PRKN: variants seen among roughly 807,000 people sequenced by gnomAD.
The protein encoded by PRKN is E3 ubiquitin-protein ligase parkin.
A neutral mutation model predicts 59.5 loss-of-function variants in PRKN; 56 were observed. That is an observed-to-expected ratio of 0.94 (90% CI 0.76 to 1.18). The LOEUF is 1.18. PRKN is among the 50% of genes most tolerant of loss of function. PRKN has a pLI of 0.00. For synonymous variants in PRKN, 250 were observed against 222.1 expected (o/e 1.13, Z -1.12); for missense variants, 657 against 596.4 (o/e 1.10, Z -1.06).
chr6:161,587,963 C>T (rs1781579126), intron 7 of PRKN, among the ~76,000 whole-genome samples: 2 of 152,118 alleles, frequency 1.3e-5, no homozygotes, highest in South Asian at 4.1e-4. Context: ...GCATATATTG[C>T]TGTCTGAACT....
rs762056995 is a variant in PRKN at position 161,785,690 on chromosome 6, T to C, written c.871+82A>G. On this transcript the variant is annotated intron_variant, in intron 7 of 11. Coordinates refer to ENST00000366898, the MANE Select transcript of PRKN (RefSeq NM_004562.3). ...AAATTCTTCTGCTAGGGTTTACGTA[T>C]ATCTAAGCCAGTTTTACATCAATAA... The C allele has an allele frequency of 4.5e-6, 6 of 1,340,142 alleles. No homozygotes were observed. The East Asian group carries it at 1.2e-4, about 26-fold the overall frequency. 83.0% of individuals were successfully genotyped at this position (1,340,142 alleles called of 1,614,324 possible).
chr6:162,588,696 C>T lies in PRKN; in HGVS notation c.7+138966G>A, dbSNP rs1357276182. Among the ~76,000 whole-genome samples the T allele has an allele frequency of 1.2e-4, 19 of 152,208 alleles. No individual in the cohort carries two copies. In the East Asian group the frequency reaches 3.7e-3, roughly 30 times the overall value. Reference sequence around the variant, plus strand: ...CCTCCCGAGTAGCTGGGACTACAGGCGCCCGCCACCACGCCCGGGTAATTT... The same window carrying T: ...CCTCCCGAGTAGCTGGGACTACAGGTGCCCGCCACCACGCCCGGGTAATTT... On this transcript the variant is annotated intron_variant, in intron 1 of 11. Transcript: ENST00000366898.
At chr6:162,177,507 C>A (rs948891641) in intron 4 of PRKN, among the ~76,000 whole-genome samples, 4 of 152,090 alleles carry the variant, frequency 2.6e-5, no homozygotes, top group Non-Finnish European at 4.4e-5. Flanking sequence ...CTAAAAGGCA[C>A]TGGTATAACT....
chr6:161,572,457 T>C (rs1429174446), intron 7 of PRKN, among the ~76,000 whole-genome samples: 1 of 151,902 alleles, frequency 6.6e-6, no homozygotes, highest in Non-Finnish European at 1.5e-5. Context: ...GTCAGGAGTT[T>C]GAGACCAGCC....
At chr6:162,715,279 C>T (rs1778680545) in intron 1 of PRKN, among the ~76,000 whole-genome samples, 1 of 152,180 alleles carries the variant, frequency 6.6e-6, no homozygotes, top group Admixed American at 6.5e-5. Flanking sequence ...AAGGTCTTCT[C>T]TCCTTTGAAT....
intron 6 of PRKN, among the ~76,000 whole-genome samples, chr6:161,867,737 T>TTTTA (rs1554236141): frequency 2.7e-5 from 2 of 72,762 alleles, no homozygotes; most frequent in Non-Finnish European, 5.8e-5. Flanking sequence ...GGGAAAAATC[T>TTTTA]TTCATTTATT....
intron 6 of PRKN, among the ~76,000 whole-genome samples, chr6:161,928,609 T>C (rs765997921): frequency 6.6e-6 from 1 of 152,142 alleles, no homozygotes; most frequent in Non-Finnish European, 1.5e-5. Flanking sequence ...TCAGAATATA[T>C]AACATATAAC....
intron 6 of PRKN, among the ~76,000 whole-genome samples, chr6:161,786,381 A>C (rs1562683749): frequency 6.6e-6 from 1 of 152,100 alleles, no homozygotes; most frequent in Non-Finnish European, 1.5e-5. Flanking sequence ...GTAAAGTTTT[A>C]AATGAATGTT....
intron 6 of PRKN, among the ~76,000 whole-genome samples, chr6:161,928,104 T>C (rs1399921831): frequency 6.6e-6 from 1 of 152,192 alleles, no homozygotes; most frequent in African/African-American, 2.4e-5. Flanking sequence ...AAAGTTGCCT[T>C]CTGCTATGTA....
At position 162,443,343 on chromosome 6, in the gene PRKN, T is replaced by A. The variant is rs1562768672; in HGVS notation, c.138A>T (p.Ala46=). The change falls in exon 2 of 12, where the codon GCA becomes GCT. Residue 46 remains alanine, a synonymous_variant. Transcript: ENST00000366898. ...VPADQLRVIF[A]GKELRNDWTV... The stretch of plus-strand genomic sequence containing the variant: ...TCCAGTCATTCCTCAGCTCCTTCCC[T>A]GCGAAAATCACACGCAACTGGTCAG... 1 of 1,612,974 alleles carries A rather than the reference T, an allele frequency of 6.2e-7. No individual in the cohort carries two copies. Among genetic ancestry groups the A allele is most frequent in the Middle Eastern group, 2.0e-4 (1 of 5,102 alleles).
In PRKN at chr6:161,407,059, A is replaced by G. The variant is rs1787309536; in HGVS notation, c.1084-20182T>C. Among the ~76,000 whole-genome samples, 1 of 152,234 alleles carries G rather than the reference A, an allele frequency of 6.6e-6. No homozygotes were observed. The highest frequency in any genetic ancestry group is 1.9e-4 in the East Asian group (1 of 5,202). On this transcript the variant is annotated intron_variant, in intron 9 of 11. Coordinates refer to ENST00000366898, the MANE Select transcript of PRKN (RefSeq NM_004562.3). The surrounding 1 kb of genome is among the most constrained non-coding windows in gnomAD (Gnocchi z 4.9). ...GAAATTTAATTAAGATTTATTTCAA[A>G]TTAAGATCACCAAATTATATTTACA... is the stretch of plus-strand genomic sequence containing the variant.
chr6:162,586,258 C>T (rs1781051253), intron 1 of PRKN, among the ~76,000 whole-genome samples: 1 of 152,174 alleles, frequency 6.6e-6, no homozygotes, highest in Admixed American at 6.5e-5. Context: ...CTCCTTCTAA[C>T]TACGTGATAA....
In PRKN at chr6:161,799,007, A is replaced by C. The variant is rs567920684; in HGVS notation, c.735-13099T>G. Among the ~76,000 whole-genome samples the C allele has an allele frequency of 4.6e-5, 7 of 152,338 alleles. No homozygotes were observed. In the East Asian group the frequency reaches 1.2e-3, roughly 25 times the overall value. The stretch of plus-strand genomic sequence containing the variant: ...ATGTTCTCGCCAGACTAGAGGCCAG[A>C]AAACTGGGATTTGGCCCTCAGACTG... On this transcript the variant is annotated intron_variant, in intron 6 of 11. Coordinates refer to ENST00000366898, the MANE Select transcript of PRKN (RefSeq NM_004562.3).
At chr6:161,431,318 A>T (rs999828234) in intron 9 of PRKN, among the ~76,000 whole-genome samples, 1 of 152,118 alleles carries the variant, frequency 6.6e-6, no homozygotes. Context: ...TCTTTCAAAC[A>T]TAACAAATGT....
At chr6:161,971,313 C>T (rs891849177) in intron 6 of PRKN, among the ~76,000 whole-genome samples, 3 of 152,188 alleles carry the variant, frequency 2.0e-5, no homozygotes, top group Non-Finnish European at 4.4e-5. Flanking sequence ...ATAATACCAT[C>T]ATCACCACAT....
At chr6:162,410,342 AG>A (rs1438535973) in intron 2 of PRKN, among the ~76,000 whole-genome samples, 4 of 152,140 alleles carry the variant, frequency 2.6e-5, no homozygotes, top group Non-Finnish European at 5.9e-5. Flanking sequence ...TAGTTTTCAA[AG>A]CTGAATCCAG....
chr6:161,900,106 G>C (rs1777829661), intron 6 of PRKN, among the ~76,000 whole-genome samples: 2 of 142,060 alleles, frequency 1.4e-5, no homozygotes, highest in South Asian at 2.4e-4. Context: ...GTGAGATTCT[G>C]ACTCAAAAAT....
rs6906519 is a variant in PRKN, at chr6:161,470,356, T to C, written c.1083+78498A>G. Reference sequence around the variant, plus strand: ...AACGGCTCTACCCAGTGCTCATCACTCTTCTGCTGGAGCTGGGAGTGGTGG... The same window carrying C: ...AACGGCTCTACCCAGTGCTCATCACCCTTCTGCTGGAGCTGGGAGTGGTGG... On this transcript the variant is annotated intron_variant, in intron 9 of 11. Coordinates refer to ENST00000366898, the MANE Select transcript of PRKN (RefSeq NM_004562.3). This position sits in a 1 kb window ranked among gnomAD's most constrained non-coding sequence, Gnocchi z 5.1. Among the ~76,000 whole-genome samples, 130,923 of 152,150 alleles carry C rather than the reference T, an allele frequency of 0.86. 56,817 individuals carry two copies. Among genetic ancestry groups the C allele is most frequent in the African/African-American group, 0.97 (40,113 of 41,506 alleles).
At chr6:161,723,698 GAAAC>G (rs747015359) in intron 7 of PRKN, among the ~76,000 whole-genome samples, 3 of 152,118 alleles carry the variant, frequency 2.0e-5, no homozygotes, top group Non-Finnish European at 4.4e-5. Flanking sequence ...AGTCACCTTG[GAAAC>G]TGAATCACAC....
Sources: gnomAD v4.1 joint callset for allele counts (sites outside exome capture counted in the v4.1 genomes callset) on GRCh38, gnomAD v4.1.1 for gene constraint, Gnocchi (gnomAD v3.1) non-coding constraint, MANE v1.5 for transcripts, NCBI Gene and HGNC (gene_info 2026-07-23, HGNC 2026-07-21) for gene names.